The following DGKG variants were observed in gnomAD, a reference collection of about 807,000 sequenced individuals.
DGKG encodes the protein DAG kinase gamma.
In DGKG, 78 loss-of-function variants were observed where a neutral mutation model predicts 105.3. The ratio of observed to expected loss-of-function variants is 0.74; its 90% CI spans 0.62 to 0.89. The LOEUF (loss-of-function observed/expected upper bound fraction) is 0.89, where lower values mean the gene tolerates loss of function less well. Ranked by LOEUF, DGKG falls within the 40% of genes least tolerant of loss-of-function variation. The probability of loss-of-function intolerance (pLI) is 0.00; values close to 1 mark genes in which losing one functional copy is unlikely to be tolerated. For synonymous variants in DGKG, 346 were observed against 367.1 expected, an observed-to-expected ratio of 0.94 and a Z score of 0.66; for missense variants, 958 against 1,020.1, an observed-to-expected ratio of 0.94 and a Z score of 0.83.
chr3:186,292,795 G>A (rs1223345196), intron 5 of DGKG, among the ~76,000 whole-genome samples: 3 of 150,956 alleles, frequency 2.0e-5, no homozygotes, highest in Non-Finnish European at 4.4e-5. Context: ...GCAACAGAGC[G>A]AGACTCCATC....
chr3:186,214,949 G>A (rs1022578814), intron 20 of DGKG, among the ~76,000 whole-genome samples: 1 of 152,210 alleles, frequency 6.6e-6, no homozygotes, highest in Non-Finnish European at 1.5e-5. Flanking sequence ...GGTGGAGAAA[G>A]AGCATTTCAG....
At chr3:186,169,847 A>C (rs959765118) in intron 22 of DGKG, among the ~76,000 whole-genome samples, 3 of 152,246 alleles carry the variant, frequency 2.0e-5, no homozygotes, top group Non-Finnish European at 4.4e-5. Flanking sequence ...GGCTGTGGGC[A>C]GGAGATGGCT....
intron 11 of DGKG, among the ~76,000 whole-genome samples, chr3:186,270,886 C>T (rs765499923): frequency 6.6e-6 from 1 of 152,212 alleles, no homozygotes; most frequent in Non-Finnish European, 1.5e-5. Flanking sequence ...CCTCATTGGC[C>T]TCACTCTGTT....
chr3:186,218,181 C>T (rs1488764812), intron 20 of DGKG, among the ~76,000 whole-genome samples: 2 of 152,096 alleles, frequency 1.3e-5, no homozygotes, highest in African/African-American at 2.4e-5. Context: ...CACTCAGCAA[C>T]ACCAGGCCTC....
chr3:186,303,426 C>A (rs918579522), intron 3 of DGKG, among the ~76,000 whole-genome samples: 3 of 152,154 alleles, frequency 2.0e-5, no homozygotes, highest in Non-Finnish European at 4.4e-5. Flanking sequence ...GCAATTTGCT[C>A]CTGCTGCAAC....
intron 20 of DGKG, among the ~76,000 whole-genome samples, chr3:186,221,731 C>T (rs1719591045): frequency 2.0e-5 from 3 of 152,190 alleles, no homozygotes; most frequent in Admixed American, 2.0e-4. Context: ...GAGAAGGTGG[C>T]TGTCCTGCTG....
At chr3:186,250,770 G>A (rs763368793) in intron 19 of DGKG, among the ~76,000 whole-genome samples, 11 of 151,752 alleles carry the variant, frequency 7.2e-5, no homozygotes, top group Non-Finnish European at 1.3e-4. Flanking sequence ...GGCTGGTCTC[G>A]AACTCCTGGC....
intron 21 of DGKG, among the ~76,000 whole-genome samples, chr3:186,208,026 CTTTT>C (rs935888163): frequency 2.0e-5 from 3 of 152,046 alleles, no homozygotes; most frequent in African/African-American, 7.2e-5. Flanking sequence ...GCCTGAATGG[CTTTT>C]TTTCTTTCTT....
intron 24 of DGKG, among the ~76,000 whole-genome samples, chr3:186,156,587 G>C (rs1320620734): frequency 6.6e-6 from 1 of 151,768 alleles, no homozygotes; most frequent in South Asian, 2.1e-4. Flanking sequence ...TGCATTGTTT[G>C]TAGAGTTAAA....
At chr3:186,173,534 G>A (rs370101943) in intron 22 of DGKG, among the ~76,000 whole-genome samples, 6 of 152,390 alleles carry the variant, frequency 3.9e-5, no homozygotes, top group East Asian at 1.9e-4. Context: ...CCACTAAGGC[G>A]CCGGCAGGCA....
At chr3:186,162,097 T>A (rs1160656291) in intron 23 of DGKG, among the ~76,000 whole-genome samples, 1 of 152,218 alleles carries the variant, frequency 6.6e-6, no homozygotes, top group Non-Finnish European at 1.5e-5. Flanking sequence ...GGTTTCTCCA[T>A]GTTGGTCAAG....
intron 20 of DGKG, among the ~76,000 whole-genome samples, chr3:186,222,993 C>T (rs1306468964): frequency 1.4e-5 from 1 of 73,156 alleles, no homozygotes; most frequent in South Asian, 5.3e-4. Flanking sequence ...CAAAAGAATA[C>T]ACACACGTGT....
intron 20 of DGKG, 85 bp downstream of exon 20, chr3:186,242,419 A>C: frequency 7.9e-7 from 1 of 1,259,994 alleles, no homozygotes; most frequent in Non-Finnish European, 1.1e-6. Context: ...CCTGGCTGGG[A>C]AAATTTCCAG....
intron 20 of DGKG, among the ~76,000 whole-genome samples, chr3:186,237,614 T>C (rs371775959): frequency 3.9e-5 from 6 of 152,196 alleles, no homozygotes; most frequent in African/African-American, 7.2e-5. Context: ...TACCCTTGCA[T>C]GTTATTGTGA....
intron 1 of DGKG, among the ~76,000 whole-genome samples, chr3:186,344,703 C>T (rs1223692129): frequency 6.6e-6 from 1 of 152,040 alleles, no homozygotes; most frequent in Non-Finnish European, 1.5e-5. Flanking sequence ...CACAAGTTTA[C>T]CTACCTAACA....
chr3:186,228,995 C>G (rs895920293), intron 20 of DGKG, among the ~76,000 whole-genome samples: 2 of 152,138 alleles, frequency 1.3e-5, no homozygotes, highest in South Asian at 4.2e-4. Flanking sequence ...TGAGGTTATA[C>G]CGGGTTAGGG....
At chr3:186,258,409 C>T (rs1336895068) in intron 16 of DGKG, among the ~76,000 whole-genome samples, 1 of 152,190 alleles carries the variant, frequency 6.6e-6, no homozygotes, top group Non-Finnish European at 1.5e-5. Flanking sequence ...GGAGCCTTAA[C>T]CCTGGAGAGC....
chr3:186,306,007 T>C (rs988251192), intron 3 of DGKG, among the ~76,000 whole-genome samples: 3 of 152,124 alleles, frequency 2.0e-5, no homozygotes, highest in African/African-American at 7.2e-5. Context: ...ATCAGGAGAA[T>C]GTAGAATGTA....
intron 2 of DGKG, among the ~76,000 whole-genome samples, chr3:186,314,524 G>A (rs906073744): frequency 3.3e-5 from 5 of 152,118 alleles, no homozygotes; most frequent in Non-Finnish European, 7.4e-5. Flanking sequence ...GGAGGTCGAG[G>A]CGGGTGGATC....
Sources: gnomAD v4.1 joint callset for allele counts (sites outside exome capture counted in the v4.1 genomes callset) on GRCh38, gnomAD v4.1.1 for gene constraint, MANE v1.5 for transcripts, NCBI Gene and HGNC (gene_info 2026-07-23, HGNC 2026-07-21) for gene names.